The following B3GALT1 variants were observed in gnomAD, a reference collection of about 807,000 sequenced individuals.
The protein encoded by B3GALT1 is beta-1,3-galactosyltransferase 1, also known as UDP-Gal:betaGlcNAc beta 1,3-galactosyltransferase, polypeptide 1.
In B3GALT1, 10 loss-of-function variants were observed where a neutral mutation model predicts 23.2. That is an observed-to-expected ratio of 0.43 (90% CI 0.27 to 0.73). The LOEUF is 0.73. Among genes scored for constraint, B3GALT1 ranks in the 30% least tolerant of loss-of-function variants. The pLI is 0.21. For missense variants in B3GALT1, 299 were observed against 405.4 expected (o/e 0.74, Z 2.25); for synonymous variants, 156 against 141.5 (o/e 1.10, Z -0.73).
At chr2:167,658,740 G>C (rs1283375786) in intron 3 of B3GALT1, among the ~76,000 whole-genome samples, 1 of 152,058 alleles carries the variant, frequency 6.6e-6, no homozygotes, top group Non-Finnish European at 1.5e-5. Context: ...TTATTTCTAT[G>C]AAGTATAATG....
chr2:167,294,838 G>C (rs149213007), intron 1 of B3GALT1, among the ~76,000 whole-genome samples: 103 of 152,114 alleles, frequency 6.8e-4, no homozygotes, highest in African/African-American at 2.5e-3. Flanking sequence ...TTCACTAGAG[G>C]GATCTTTTGT....
chr2:167,756,428 C>T (rs188533932), intron 3 of B3GALT1, among the ~76,000 whole-genome samples: 4 of 152,228 alleles, frequency 2.6e-5, no homozygotes, highest in Admixed American at 2.0e-4. Flanking sequence ...TCTTGTTGAT[C>T]GCATATAAAT....
chr2:167,676,458 C>T (rs751427398), intron 3 of B3GALT1, among the ~76,000 whole-genome samples: 2 of 151,214 alleles, frequency 1.3e-5, no homozygotes, highest in Non-Finnish European at 2.9e-5. Flanking sequence ...ATCAACTCTT[C>T]CCATCTAACC....
chr2:167,716,071 C>A, intron 3 of B3GALT1: 1 of 1,571,380 alleles, frequency 6.4e-7, no homozygotes, highest in Non-Finnish European at 8.7e-7. Context: ...TCCATAGCGC[C>A]AAGCTGCTCT....
intron 1 of B3GALT1, among the ~76,000 whole-genome samples, chr2:167,432,554 T>G (rs572258238): frequency 6.6e-6 from 1 of 152,180 alleles, no homozygotes; most frequent in Non-Finnish European, 1.5e-5. Flanking sequence ...GTCCTTTAGA[T>G]TGGGTTTTAA....
chr2:167,561,672 A>G (rs549313523), intron 2 of B3GALT1, among the ~76,000 whole-genome samples: 5 of 152,358 alleles, frequency 3.3e-5, no homozygotes, highest in Admixed American at 3.3e-4. Context: ...AGAATACTAC[A>G]AACACCTCTA....
intron 4 of B3GALT1, among the ~76,000 whole-genome samples, chr2:167,826,282 C>T (rs1160228448): frequency 6.6e-6 from 1 of 152,136 alleles, no homozygotes; most frequent in Non-Finnish European, 1.5e-5. Flanking sequence ...CAGCCTCAAC[C>T]TGGCCAGGTT....
At chr2:167,474,065 AAGTT>A (rs1699455677) in intron 1 of B3GALT1, among the ~76,000 whole-genome samples, 1 of 152,282 alleles carries the variant, frequency 6.6e-6, no homozygotes, top group South Asian at 2.1e-4. Flanking sequence ...GACTCTAAGA[AAGTT>A]AGTATTGACA....
intron 1 of B3GALT1, among the ~76,000 whole-genome samples, chr2:167,441,500 G>C (rs1028295605): frequency 2.0e-5 from 3 of 152,050 alleles, no homozygotes; most frequent in South Asian, 4.1e-4. Context: ...TTATACTGTT[G>C]TGAGTTCTTA....
chr2:167,714,330 C>T, intron 3 of B3GALT1: 1 of 1,496,156 alleles, frequency 6.7e-7, no homozygotes, highest in Non-Finnish European at 9.3e-7. Flanking sequence ...GTTGACCTAT[C>T]ACAGCTTGGT....
chr2:167,397,953 C>A (rs2105287237), intron 1 of B3GALT1, among the ~76,000 whole-genome samples: 1 of 152,134 alleles, frequency 6.6e-6, no homozygotes, highest in South Asian at 2.1e-4. Flanking sequence ...TTCAGCCAGC[C>A]CTGGATTTGA....
At chr2:167,300,974 T>C (rs953786568) in intron 1 of B3GALT1, among the ~76,000 whole-genome samples, 4 of 152,214 alleles carry the variant, frequency 2.6e-5, no homozygotes, top group Non-Finnish European at 5.9e-5. Flanking sequence ...TAGAAATTCC[T>C]AGTTTATGTT....
At chr2:167,636,633 C>T (rs1223167679) in intron 2 of B3GALT1, among the ~76,000 whole-genome samples, 1 of 152,118 alleles carries the variant, frequency 6.6e-6, no homozygotes, top group African/African-American at 2.4e-5. Context: ...GACATATATA[C>T]ACCATGGAAT....
At chr2:167,343,194 G>C (rs1697176359) in intron 1 of B3GALT1, among the ~76,000 whole-genome samples, 1 of 152,160 alleles carries the variant, frequency 6.6e-6, no homozygotes, top group Admixed American at 6.6e-5. Flanking sequence ...CAGGGAAAGA[G>C]GAAAAGAGGA....
intron 2 of B3GALT1, among the ~76,000 whole-genome samples, chr2:167,584,212 A>G (rs1448218726): frequency 6.6e-6 from 1 of 152,200 alleles, no homozygotes. Context: ...AGCAATTCTT[A>G]AAGTTAGGGA....
chr2:167,783,561 T>C (rs1314250803), intron 3 of B3GALT1, among the ~76,000 whole-genome samples: 1 of 152,078 alleles, frequency 6.6e-6, no homozygotes, highest in East Asian at 1.9e-4. Flanking sequence ...TGAAGCAAGT[T>C]GGGAATTTAT....
chr2:167,715,577 T>C (rs1238226649), intron 3 of B3GALT1: 4 of 1,613,824 alleles, frequency 2.5e-6, no homozygotes, highest in Non-Finnish European at 8.5e-7. Flanking sequence ...CATCAGTTCA[T>C]CTTGTGGAGA....
At chr2:167,770,556 T>A (rs1688055902) in intron 3 of B3GALT1, among the ~76,000 whole-genome samples, 2 of 152,210 alleles carry the variant, frequency 1.3e-5, no homozygotes, top group African/African-American at 4.8e-5. Flanking sequence ...TTATTTTCTT[T>A]CAGTGTATGG....
intron 3 of B3GALT1, among the ~76,000 whole-genome samples, chr2:167,748,822 T>C (rs1189729973): frequency 6.6e-6 from 1 of 152,146 alleles, no homozygotes; most frequent in African/African-American, 2.4e-5. Context: ...CCAGTCTTCC[T>C]TGGACAAATC....
Sources: gnomAD v4.1 joint callset for allele counts (sites outside exome capture counted in the v4.1 genomes callset) on GRCh38, gnomAD v4.1.1 for gene constraint, MANE v1.5 for transcripts, NCBI Gene and HGNC (gene_info 2026-07-23, HGNC 2026-07-21) for gene names.